PTGER3: variants seen among roughly 807,000 people sequenced by gnomAD.
The protein encoded by PTGER3 is prostaglandin E receptor 3, also known as prostaglandin E2 receptor EP3 subtype.
PTGER3 carries 22 observed loss-of-function variants against 34.7 expected under a neutral mutation model. That is an observed-to-expected ratio of 0.63 (90% CI 0.45 to 0.91). PTGER3 has a LOEUF of 0.91. Ranked by LOEUF, PTGER3 falls within the 40% of genes least tolerant of loss-of-function variation. The probability of loss-of-function intolerance (pLI) is 0.00; values close to 1 mark genes in which losing one functional copy is unlikely to be tolerated. For synonymous variants in PTGER3, 241 were observed against 230.1 expected (o/e 1.05, Z -0.43); for missense variants, 468 against 519.4 (o/e 0.90, Z 0.96).
chr1:70,937,308 T>C (rs1216987472), intron 4 of PTGER3, among the ~76,000 whole-genome samples: 1 of 152,204 alleles, frequency 6.6e-6, no homozygotes, highest in Non-Finnish European at 1.5e-5. Flanking sequence ...TCCAGTGTTT[T>C]TGTAAAGCAT....
chr1:70,977,552 T>C (rs1473462996), intron 2 of PTGER3, among the ~76,000 whole-genome samples: 2 of 152,066 alleles, frequency 1.3e-5, no homozygotes, highest in Admixed American at 6.6e-5. Context: ...ACCTTCAGAA[T>C]TTCAAGGCCA....
At chr1:70,959,517 T>A (rs1333129711) in intron 2 of PTGER3, among the ~76,000 whole-genome samples, 2 of 152,018 alleles carry the variant, frequency 1.3e-5, no homozygotes, top group Admixed American at 1.3e-4. Flanking sequence ...ACTGCCACCA[T>A]GCTTGACTAA....
intron 4 of PTGER3, among the ~76,000 whole-genome samples, chr1:70,918,992 G>A (rs961075106): frequency 2.0e-5 from 3 of 152,066 alleles, no homozygotes; most frequent in African/African-American, 7.2e-5. Flanking sequence ...TACAAATAGA[G>A]GTTCCAGTTT....
At chr1:70,959,352 AT>A (rs11299533) in intron 2 of PTGER3, among the ~76,000 whole-genome samples, 100,749 of 135,386 alleles carry the variant, frequency 0.74, 36,937 homozygotes, top group East Asian at 0.9. Flanking sequence ...GTCCTCTTCA[AT>A]TTTTTTTTTT....
intron 1 of PTGER3, among the ~76,000 whole-genome samples, chr1:71,043,700 T>C (rs775330620): frequency 6.6e-6 from 1 of 152,220 alleles, no homozygotes; most frequent in Non-Finnish European, 1.5e-5. Flanking sequence ...CACTAAATTC[T>C]AGTGTTTTTA....
At chr1:70,914,688 T>C (rs1647135341) in intron 4 of PTGER3, among the ~76,000 whole-genome samples, 1 of 151,896 alleles carries the variant, frequency 6.6e-6, no homozygotes, top group South Asian at 2.1e-4. Flanking sequence ...AGAGAATCAA[T>C]CATCCTCTGC....
At chr1:70,952,527 T>C (rs1650861033) in exon 4 of PTGER3, 2 of 989,788 alleles carry the variant, frequency 2.0e-6, no homozygotes, top group African/African-American at 3.5e-5. Flanking sequence ...GGGCATCAAA[T>C]TCTACAAACA....
chr1:70,878,708 G>T (rs951316571), intron 4 of PTGER3, among the ~76,000 whole-genome samples: 2 of 152,086 alleles, frequency 1.3e-5, no homozygotes. Flanking sequence ...CTTCATCTCT[G>T]CCTTCCTTTC....
At chr1:70,938,282 C>T (rs920890781) in intron 4 of PTGER3, among the ~76,000 whole-genome samples, 2 of 152,100 alleles carry the variant, frequency 1.3e-5, no homozygotes, top group Non-Finnish European at 2.9e-5. Flanking sequence ...CCAGACTAGA[C>T]AGGGAAAGTC....
At chr1:70,986,863 T>C (rs199798101) in intron 2 of PTGER3, among the ~76,000 whole-genome samples, 2 of 152,254 alleles carry the variant, frequency 1.3e-5, no homozygotes, top group East Asian at 3.9e-4. Flanking sequence ...ATTGATAAAA[T>C]ATCTTCAACC....
At chr1:70,895,250 C>G (rs1646700088) in intron 4 of PTGER3, among the ~76,000 whole-genome samples, 1 of 152,196 alleles carries the variant, frequency 6.6e-6, no homozygotes, top group Non-Finnish European at 1.5e-5. Flanking sequence ...AGTCCACACT[C>G]TTTGTGTATC....
intron 2 of PTGER3, chr1:71,007,331 T>A: frequency 3.0e-6 from 3 of 985,784 alleles, no homozygotes; most frequent in Non-Finnish European, 3.6e-6. Flanking sequence ...CAAAAACATT[T>A]GATAAGGAGA....
chr1:70,964,616 A>C (rs1652313579), intron 2 of PTGER3, among the ~76,000 whole-genome samples: 2 of 152,170 alleles, frequency 1.3e-5, no homozygotes, highest in African/African-American at 4.8e-5. Context: ...ATTACTTCCC[A>C]GTGGGTCCCT....
chr1:70,932,775 C>T (rs1414127496), intron 4 of PTGER3, among the ~76,000 whole-genome samples: 1 of 152,114 alleles, frequency 6.6e-6, no homozygotes, highest in Non-Finnish European at 1.5e-5. Context: ...CAAACTATAT[C>T]ACCTCCCTCT....
chr1:70,945,080 G>A (rs952095777), intron 4 of PTGER3, among the ~76,000 whole-genome samples: 3 of 152,142 alleles, frequency 2.0e-5, no homozygotes, highest in African/African-American at 7.2e-5. Flanking sequence ...GCTAGTGGCT[G>A]AGGAACTATT....
At chr1:71,030,935 C>T (rs1041689186) in intron 1 of PTGER3, among the ~76,000 whole-genome samples, 5 of 151,744 alleles carry the variant, frequency 3.3e-5, no homozygotes, top group Admixed American at 6.6e-5. Context: ...GAGAGAAAAA[C>T]GTGACACATA....
Position 70,892,063 on chromosome 1 carries a change from T to C in PTGER3, c.*24-39204A>G, listed in dbSNP as rs193199134. On this transcript the variant is annotated intron_variant, in intron 4 of 4. Transcript: ENST00000370931. ...CCAGCTACTTACCTCTTTATAATTATCTAGGAATAAATACTTTGGAGCACC... is the reference window on the plus strand; with the variant it reads ...CCAGCTACTTACCTCTTTATAATTACCTAGGAATAAATACTTTGGAGCACC... Among the ~76,000 whole-genome samples the C allele has an allele frequency of 6.1e-3, 927 of 152,288 alleles. 11 individuals are homozygous for C. Among genetic ancestry groups the C allele is most frequent in the African/African-American group, 0.022 (899 of 41,568 alleles).
At chr1:70,988,318 G>A (rs1655112965) in intron 2 of PTGER3, among the ~76,000 whole-genome samples, 1 of 152,114 alleles carries the variant, frequency 6.6e-6, no homozygotes, top group South Asian at 2.1e-4. Flanking sequence ...CTCAGACTAT[G>A]GCAGAGCCTT....
At chr1:70,921,736 G>T (rs944854686) in intron 4 of PTGER3, among the ~76,000 whole-genome samples, 4 of 152,128 alleles carry the variant, frequency 2.6e-5, no homozygotes, top group Admixed American at 2.0e-4. Flanking sequence ...TTGTAACCAG[G>T]TGGCAGTACT....
Sources: gnomAD v4.1 joint callset for allele counts (sites outside exome capture counted in the v4.1 genomes callset) on GRCh38, gnomAD v4.1.1 for gene constraint, MANE v1.5 for transcripts, NCBI Gene and HGNC (gene_info 2026-07-23, HGNC 2026-07-21) for gene names.